SMC1A: variants seen among roughly 807,000 people sequenced by gnomAD.
SMC1A encodes the protein structural maintenance of chromosomes protein 1A.
SMC1A carries 4 observed loss-of-function variants against 94.5 expected under a neutral mutation model. The ratio of observed to expected loss-of-function variants is 0.04; its 90% CI spans 0.02 to 0.10. The LOEUF (loss-of-function observed/expected upper bound fraction) is 0.10. Ranked by LOEUF, SMC1A falls within the 10% of genes least tolerant of loss-of-function variation. SMC1A has a pLI of 1.00. For missense variants in SMC1A, 304 were observed against 989.0 expected (o/e 0.31, Z 9.29); for synonymous variants, 345 against 347.7 (o/e 0.99, Z 0.09).
rs1556887978 is a variant in SMC1A, at chrX:53,396,214, C to T, written c.2862+13G>A. ...GTTCATCGCCCACTCCCACCACCAG[C>T]CACAATACTCACCTCTTCCTGACTA... On this transcript the variant is annotated intron_variant, in intron 18 of 24. Transcript: ENST00000322213. 2.5e-6 allele frequency: 3 copies of T among 1,209,639 alleles called. No individual in the cohort carries two copies. The highest frequency in any genetic ancestry group is 5.9e-5 in the East Asian group (2 of 33,852).
rs1556890701 is a variant in SMC1A, at chrX:53,412,723, T to C, written c.854+177A>G. Among the ~76,000 whole-genome samples, 4 of 112,267 alleles carry C rather than the reference T, an allele frequency of 3.6e-5. No individual in the cohort carries two copies. The Admixed American group carries it at 3.8e-4, about 11-fold the overall frequency. ...CCTGTCTACCCAGGGCCTGAGTGCT[T>C]AAATATTCTATTTGTCTAAACTGCA... On this transcript the variant is annotated intron_variant, in intron 5 of 24. Coordinates refer to ENST00000322213, the MANE Select transcript of SMC1A (RefSeq NM_006306.4).
At position 53,411,904 on chromosome X, in the gene SMC1A, G is replaced by A. The variant is rs1556890570; in HGVS notation, c.1114-3C>T. On this transcript the variant is annotated splice_polypyrimidine_tract_variant and splice_region_variant and intron_variant, in intron 6 of 24. Coordinates refer to ENST00000322213, the MANE Select transcript of SMC1A (RefSeq NM_006306.4). ...TTCAACCGGTGGTATTTCTTCACCT[G>A]TGTTAGGGACAGGGAAGGAGAACAG... The A allele has an allele frequency of 3.3e-6, 4 of 1,211,396 alleles. No homozygotes were observed. Among genetic ancestry groups the A allele is most frequent in the Admixed American group, 2.2e-5 (1 of 45,945 alleles).
At chrX:53,391,665 T>G (rs1416870112) in intron 19 of SMC1A, among the ~76,000 whole-genome samples, 1 of 111,057 alleles carries the variant, frequency 9.0e-6, no homozygotes, top group Non-Finnish European at 1.9e-5. Flanking sequence ...TAGCTGGGAC[T>G]ACAGGTACAT....
chrX:53,401,262 A>G (rs1187765256), intron 15 of SMC1A, among the ~76,000 whole-genome samples: 1 of 111,413 alleles, frequency 9.0e-6, no homozygotes, highest in Non-Finnish European at 1.9e-5. Context: ...CACAGTTCAT[A>G]ACACACTTAT....
chrX:53,397,181 C>T (rs1056206493), intron 16 of SMC1A, among the ~76,000 whole-genome samples: 9 of 110,995 alleles, frequency 8.1e-5, no homozygotes, highest in African/African-American at 2.6e-4. Flanking sequence ...TCTGGCAAGA[C>T]GAAGGGGACT....
At chrX:53,393,232 A>G (rs1556887509) in intron 19 of SMC1A, among the ~76,000 whole-genome samples, 2 of 111,576 alleles carry the variant, frequency 1.8e-5, no homozygotes, top group African/African-American at 6.5e-5. Flanking sequence ...AAACATGTTC[A>G]GTAACATCAA....
At chrX:53,401,406 C>T (rs1368320031) in intron 15 of SMC1A, among the ~76,000 whole-genome samples, 2 of 112,211 alleles carry the variant, frequency 1.8e-5, no homozygotes, top group Admixed American at 9.5e-5. Flanking sequence ...AATGCATATC[C>T]TTGTAAAATG....
chrX:53,380,978 T>C lies in SMC1A; in HGVS notation c.3507+40A>G, dbSNP rs370820426. The C allele has an allele frequency of 2.5e-4, 277 of 1,123,732 alleles. 3 individuals are homozygous for C. Among genetic ancestry groups the C allele is most frequent in the Middle Eastern group, 2.4e-4 (1 of 4,183 alleles). The allele number at this position is 1,123,732 out of a possible 1,213,427, so 92.6% of individuals were successfully genotyped here. ...TGCTCCCTGAAACCCAACCCCGACC[T>C]GGGGGCATCCCTCCCAGGCCCCACT... On this transcript the variant is annotated intron_variant, in intron 23 of 24. Coordinates refer to ENST00000322213, the MANE Select transcript of SMC1A (RefSeq NM_006306.4).
rs1275809215 is a variant in SMC1A, at chrX:53,377,178, T to C, written c.*2925A>G. 1.8e-5 allele frequency: 2 copies of C among 111,892 alleles called. No homozygotes were observed. The highest frequency in any genetic ancestry group is 6.5e-5 in the African/African-American group (2 of 30,764). 9.2% of individuals were successfully genotyped at this position (111,892 alleles called of 1,213,427 possible). A position where few individuals can be genotyped will look rare whatever the true frequency, so the allele number is the denominator to read the frequency against. ...CACTAAATAGATCCGAGTGGAAGTC[T>C]AGGCTCTGCCACTAAACCAGTGGAA... On this transcript the variant is annotated 3_prime_UTR_variant, in exon 25 of 25. Transcript: ENST00000322213.
intron 5 of SMC1A, among the ~76,000 whole-genome samples, chrX:53,412,591 T>C (rs971586729): frequency 3.6e-5 from 4 of 111,818 alleles, no homozygotes; most frequent in Non-Finnish European, 7.5e-5. Flanking sequence ...AGCTTCAGTT[T>C]CCTCTTCTAG....
At chrX:53,416,327 AAAT>A (rs1181594063) in intron 1 of SMC1A, among the ~76,000 whole-genome samples, 11 of 106,326 alleles carry the variant, frequency 1.0e-4, no homozygotes, top group Middle Eastern at 4.8e-3. Context: ...AAATAAAATA[AAAT>A]AATAATAATA....
At chrX:53,388,139 G>A (rs1259145392) in intron 19 of SMC1A, among the ~76,000 whole-genome samples, 1 of 110,883 alleles carries the variant, frequency 9.0e-6, no homozygotes, top group African/African-American at 3.3e-5. Context: ...CACACAAAAA[G>A]AGCCACTAAT....
At chrX:53,400,261 A>C (rs782153836) in intron 15 of SMC1A, among the ~76,000 whole-genome samples, 1 of 111,580 alleles carries the variant, frequency 9.0e-6, no homozygotes, top group South Asian at 3.8e-4. Context: ...ATTTAACACC[A>C]AAACCCGGGC....
At position 53,382,327 on chromosome X, in the gene SMC1A, G is replaced by A. The variant is rs1057518054; in HGVS notation, c.3342C>T (p.Asn1114=). ...GGAAGCGTTTCCCAGGAGCCACACAGTTGTAGTTGATGCCATCCAAGTAGG... is the reference window on the plus strand; with the variant it reads ...GGAAGCGTTTCCCAGGAGCCACACAATTGTAGTTGATGCCATCCAAGTAGG... The part of the protein sequence containing the change: ...EEPYLDGINY[N]CVAPGKRFRP... The change falls in exon 22 of 25, where the codon AAC becomes AAT. Residue 1114 remains asparagine, a synonymous_variant. Coordinates refer to ENST00000322213, the MANE Select transcript of SMC1A (RefSeq NM_006306.4). 2 of 1,211,207 alleles carry A rather than the reference G, an allele frequency of 1.7e-6. No individual in the cohort carries two copies. Among genetic ancestry groups the A allele is most frequent in the Non-Finnish European group, 2.2e-6 (2 of 895,105 alleles).
intron 9 of SMC1A, among the ~76,000 whole-genome samples, chrX:53,406,238 C>A (rs1389676270): frequency 3.6e-5 from 4 of 111,118 alleles, no homozygotes; most frequent in Non-Finnish European, 7.5e-5. Context: ...ACAAAAAAGA[C>A]AGCCCACTAG....
Position 53,396,317 on chromosome X carries a change from A to G in SMC1A, c.2772T>C (p.Ser924=). The G allele has an allele frequency of 8.3e-7, 1 of 1,211,307 alleles. No homozygotes were observed. The highest frequency in any genetic ancestry group is 1.1e-6 in the Non-Finnish European group (1 of 895,205). ...AGGCCTGTAGCAAGTTGTGACGGTC[A>G]CTGCGCTTCTGTTCAAGCTTGGTCT... ...AIETKLEQKR[S]DRHNLLQACK... The change falls in exon 18 of 25, where the codon AGT becomes AGC. Residue 924 remains serine (S), a synonymous_variant. Coordinates refer to ENST00000322213, the MANE Select transcript of SMC1A (RefSeq NM_006306.4).
upstream of SMC1A, chrX:53,422,656 A>T: frequency 1.2e-6 from 1 of 802,217 alleles, no homozygotes; most frequent in Non-Finnish European, 1.9e-6. Context: ...CCGAGAACTG[A>T]GGTAGCCCGC....
At chrX:53,404,899 G>T in intron 13 of SMC1A, 113 bp downstream of exon 13, 1 of 909,423 alleles carries the variant, frequency 1.1e-6, no homozygotes, top group Non-Finnish European at 1.5e-6. Flanking sequence ...CTGACTCCCT[G>T]CGGCAGGCTG....
intron 19 of SMC1A, among the ~76,000 whole-genome samples, chrX:53,389,794 G>A (rs1556886932): frequency 1.9e-5 from 2 of 106,741 alleles, no homozygotes; most frequent in Admixed American, 1.0e-4. Context: ...ATCTCTTTCA[G>A]AGATGTATCC....
Sources: allele counts gnomAD v4.1 joint callset (sites outside exome capture counted in the v4.1 genomes callset), GRCh38; gene constraint gnomAD v4.1.1; transcripts MANE v1.5; gene names NCBI Gene and HGNC (gene_info 2026-07-23, HGNC 2026-07-21).